Variants in TMEM26 observed in about 807,000 individuals in gnomAD.
The protein encoded by TMEM26 is transmembrane protein 26.
Under a neutral mutation model 28.8 loss-of-function variants are expected in TMEM26, and 38 were observed. The ratio of observed to expected loss-of-function variants is 1.32; its 90% CI spans 1.02 to 1.73. TMEM26 has a LOEUF of 1.73. Among genes scored for constraint, TMEM26 ranks in the 40% most tolerant of loss-of-function variants. TMEM26 has a pLI of 0.00. For synonymous variants in TMEM26, 227 were observed against 182.9 expected, an observed-to-expected ratio of 1.24 and a Z score of -1.95; for missense variants, 518 against 447.1, an observed-to-expected ratio of 1.16 and a Z score of -1.43.
Position 61,410,476 on chromosome 10 carries a change from T to G in TMEM26, c.953A>C (p.Gln318Pro), listed in dbSNP as rs564366825. 1.9e-6 allele frequency: 3 copies of G among 1,614,138 alleles called. No individual in the cohort carries two copies. In the South Asian group the frequency reaches 3.3e-5, roughly 18 times the overall value. ...ATGTTCTCCTTTCAGGCCTTCTGAC[T>G]GACTTCTCAACGAAGCACGGACTGC... ...ALAVRASLRS[Q>P]SEGLKGEHGC... The change falls in exon 6 of 6, where the codon CAG becomes CCG. Residue 318 changes from glutamine to proline, a missense_variant. Gln to Pro is a moderately conservative substitution (Grantham distance 76, BLOSUM62 -1). Transcript: ENST00000399298.
intron 4 of TMEM26, among the ~76,000 whole-genome samples, chr10:61,415,358 A>G (rs1053816027): frequency 4.6e-5 from 7 of 152,128 alleles, no homozygotes; most frequent in Non-Finnish European, 1.0e-4. Context: ...TGCCTTGGGA[A>G]TGCAGACTGT....
chr10:61,452,325 A>C (rs1840299197), intron 1 of TMEM26, among the ~76,000 whole-genome samples: 1 of 152,250 alleles, frequency 6.6e-6, no homozygotes, highest in Non-Finnish European at 1.5e-5. Context: ...AGACACCTGA[A>C]GCTGGCGCTG....
intron 2 of TMEM26, among the ~76,000 whole-genome samples, chr10:61,433,265 C>A (rs1839951511): frequency 6.6e-6 from 1 of 152,076 alleles, no homozygotes; most frequent in African/African-American, 2.4e-5. Context: ...TGAGATTTTC[C>A]TCCAACTGGC....
intron 4 of TMEM26, among the ~76,000 whole-genome samples, chr10:61,420,093 T>C (rs1262805141): frequency 6.6e-6 from 1 of 152,188 alleles, no homozygotes; most frequent in Non-Finnish European, 1.5e-5. Flanking sequence ...TGACTGGAAG[T>C]CGTATCAATA....
At chr10:61,433,775 A>G (rs1033434680) in intron 2 of TMEM26, among the ~76,000 whole-genome samples, 1 of 152,272 alleles carries the variant, frequency 6.6e-6, no homozygotes, top group East Asian at 1.9e-4. Flanking sequence ...AACAACTCAG[A>G]TAATTCTGAT....
At position 61,446,886 on chromosome 10, in the gene TMEM26, A is replaced by G. The variant is rs1310329407; in HGVS notation, c.191+6005T>C. ...GCTTTATTGCTAAAAAGATGCTGACACAGAAACACAGAAACACAGAGTGAA... is the reference window on the plus strand; with the variant it reads ...GCTTTATTGCTAAAAAGATGCTGACGCAGAAACACAGAAACACAGAGTGAA... On this transcript the variant is annotated intron_variant, in intron 1 of 5. Transcript: ENST00000399298. 7.9e-5 allele frequency among the ~76,000 whole-genome samples: 3 copies of G among 37,848 alleles called. No individual in the cohort carries two copies. The East Asian group carries it at 1.8e-3, about 22-fold the overall frequency. The allele number at this position is 37,848 out of a possible 152,430, so 24.8% of individuals were successfully genotyped here.
intron 4 of TMEM26, among the ~76,000 whole-genome samples, chr10:61,419,813 C>T (rs887900347): frequency 1.3e-5 from 2 of 152,028 alleles, no homozygotes; most frequent in African/African-American, 4.8e-5. Flanking sequence ...ACATAATTTA[C>T]AGGTGTAAGA....
intron 4 of TMEM26, among the ~76,000 whole-genome samples, chr10:61,420,266 A>T (rs1201346751): frequency 2.0e-5 from 3 of 152,168 alleles, no homozygotes; most frequent in Non-Finnish European, 4.4e-5. Context: ...AAAGGTCTGC[A>T]TCCTCATTAT....
chr10:61,440,131 T>G (rs1380088505), intron 1 of TMEM26, among the ~76,000 whole-genome samples: 1 of 151,916 alleles, frequency 6.6e-6, no homozygotes, highest in African/African-American at 2.4e-5. Context: ...TCCCAGGTAC[T>G]CCATAGGCTG....
At chr10:61,420,162 T>C (rs1009286730) in intron 4 of TMEM26, among the ~76,000 whole-genome samples, 5 of 152,202 alleles carry the variant, frequency 3.3e-5, no homozygotes, top group African/African-American at 1.2e-4. Flanking sequence ...TTTATTTTTA[T>C]AATAAAGTAA....
rs780384885 is a variant in TMEM26, at chr10:61,410,459, CT to C, written c.969del (p.Gly324GlufsTer48). On this transcript the variant is annotated frameshift_variant, in exon 6 of 6. Coordinates refer to ENST00000399298, the MANE Select transcript of TMEM26 (RefSeq NM_178505.8). LOFTEE classifies it low-confidence loss of function (END_TRUNC). ...ASLRSQSEGL[K>X]GEHGCRAQTS... Reference sequence around the variant, plus strand: ...GTCTGTGCCCGGCAACCATGTTCTCCTTTCAGGCCTTCTGACTGACTTCTCA... The same window carrying C: ...GTCTGTGCCCGGCAACCATGTTCTCCTTCAGGCCTTCTGACTGACTTCTCA... 3.7e-6 allele frequency: 6 copies of C among 1,614,044 alleles called. No individual in the cohort carries two copies. The East Asian group carries it at 1.3e-4, about 36-fold the overall frequency.
chr10:61,435,361 G>A (rs541885160), intron 2 of TMEM26, among the ~76,000 whole-genome samples: 1 of 151,942 alleles, frequency 6.6e-6, no homozygotes. Context: ...TTGTATTTTC[G>A]GTAGATACAG....
chr10:61,441,941 T>C (rs909930326), intron 1 of TMEM26, among the ~76,000 whole-genome samples: 8 of 152,170 alleles, frequency 5.3e-5, no homozygotes, highest in African/African-American at 1.9e-4. Context: ...GCTCTTAGCC[T>C]ACCTACCAAT....
rs537763423 is a variant in TMEM26 at position 61,443,662 on chromosome 10, T to G, written c.192-7414A>C. On this transcript the variant is annotated intron_variant, in intron 1 of 5. Transcript: ENST00000399298. The stretch of plus-strand genomic sequence containing the variant: ...TTCAGATTTTGTAAAGAGAAGATAC[T>G]ACTGAATGTGACTCTTAGTTATAAT... 6.6e-5 allele frequency among the ~76,000 whole-genome samples: 10 copies of G among 152,302 alleles called. No homozygotes were observed. The South Asian group carries it at 1.2e-3, about 19-fold the overall frequency.
At chr10:61,443,023 C>G (rs1428926936) in intron 1 of TMEM26, among the ~76,000 whole-genome samples, 1 of 152,150 alleles carries the variant, frequency 6.6e-6, no homozygotes, top group Non-Finnish European at 1.5e-5. Flanking sequence ...TAGCATGTCC[C>G]TCATCATTAC....
intron 4 of TMEM26, among the ~76,000 whole-genome samples, chr10:61,422,662 A>C (rs1292553479): frequency 6.6e-6 from 1 of 152,142 alleles, no homozygotes; most frequent in Non-Finnish European, 1.5e-5. Context: ...TGCTTACAGG[A>C]AAATTCACAC....
intron 2 of TMEM26, among the ~76,000 whole-genome samples, chr10:61,432,522 A>G (rs1169927639): frequency 6.6e-6 from 1 of 152,128 alleles, no homozygotes. Context: ...AAACTGGTTT[A>G]AAAAAAGTTG....
chr10:61,443,227 C>T (rs1209472828), intron 1 of TMEM26, among the ~76,000 whole-genome samples: 4 of 149,046 alleles, frequency 2.7e-5, no homozygotes, highest in Admixed American at 1.4e-4. Context: ...CCGAGGTGGG[C>T]GGATAACAAG....
chr10:61,418,073 T>A (rs1310404620), intron 4 of TMEM26, among the ~76,000 whole-genome samples: 12 of 148,168 alleles, frequency 8.1e-5, no homozygotes, highest in Admixed American at 8.0e-4. Context: ...AGCTTGGCTA[T>A]TTTTTTTTAA....
Sources: gnomAD v4.1 joint callset for allele counts (sites outside exome capture counted in the v4.1 genomes callset) on GRCh38, gnomAD v4.1.1 for gene constraint, MANE v1.5 for transcripts, NCBI Gene and HGNC (gene_info 2026-07-23, HGNC 2026-07-21) for gene names.